The following SH3GL2 variants were observed in gnomAD, a reference collection of about 807,000 sequenced individuals.
SH3GL2 encodes the protein endophilin-A1.
SH3GL2 carries 24 observed loss-of-function variants against 46.0 expected under a neutral mutation model. The ratio of observed to expected loss-of-function variants is 0.52; its 90% CI spans 0.38 to 0.73. The LOEUF (loss-of-function observed/expected upper bound fraction) is 0.73. Ranked by LOEUF, SH3GL2 falls within the 30% of genes least tolerant of loss-of-function variation. SH3GL2 has a pLI of 0.00. For missense variants in SH3GL2, 413 were observed against 424.2 expected, an observed-to-expected ratio of 0.97 and a Z score of 0.23; for synonymous variants, 196 against 147.1, an observed-to-expected ratio of 1.33 and a Z score of -2.40.
intron 1 of SH3GL2, among the ~76,000 whole-genome samples, chr9:17,588,275 A>G (rs1483113832): frequency 6.6e-6 from 1 of 152,166 alleles, no homozygotes; most frequent in Non-Finnish European, 1.5e-5. Context: ...GGTAGACAGA[A>G]TGCTACGATT....
intron 6 of SH3GL2, chr9:17,789,776 A>G: frequency 2.0e-6 from 2 of 984,008 alleles, no homozygotes; most frequent in Non-Finnish European, 2.4e-6. Context: ...CTGCTAATGA[A>G]TCTTAAAGTA....
intron 1 of SH3GL2, among the ~76,000 whole-genome samples, chr9:17,680,328 G>A (rs930531973): frequency 2.0e-5 from 3 of 152,008 alleles, no homozygotes; most frequent in Non-Finnish European, 2.9e-5. Flanking sequence ...GTCTGTTCAG[G>A]GATTCAACTT....
chr9:17,671,644 A>G (rs1820478162), intron 1 of SH3GL2, among the ~76,000 whole-genome samples: 1 of 152,224 alleles, frequency 6.6e-6, no homozygotes, highest in African/African-American at 2.4e-5. Flanking sequence ...AAAAAAAATT[A>G]TAAAAGCAAA....
intron 1 of SH3GL2, among the ~76,000 whole-genome samples, chr9:17,635,985 C>T (rs1456733827): frequency 6.6e-6 from 1 of 152,166 alleles, no homozygotes; most frequent in South Asian, 2.1e-4. Flanking sequence ...GGGCCCAAGA[C>T]CTGCCAAGGT....
At chr9:17,786,027 T>TA (rs1409665645) in intron 3 of SH3GL2, among the ~76,000 whole-genome samples, 7 of 152,140 alleles carry the variant, frequency 4.6e-5, no homozygotes, top group African/African-American at 1.7e-4. Context: ...CGAGAGTTTG[T>TA]AAAAAGCTCT....
chr9:17,734,338 C>G (rs1199476037), intron 1 of SH3GL2, among the ~76,000 whole-genome samples: 1 of 152,104 alleles, frequency 6.6e-6, no homozygotes, highest in South Asian at 2.1e-4. Context: ...TCTTAGGTAA[C>G]AGGACAAATA....
chr9:17,786,916 G>A (rs1823975514), intron 4 of SH3GL2, among the ~76,000 whole-genome samples: 1 of 152,010 alleles, frequency 6.6e-6, no homozygotes, highest in Admixed American at 6.5e-5. Flanking sequence ...ACTTGTATAT[G>A]GTACCTAGTT....
At chr9:17,614,295 GAAAAAAAAAAAAAA>G (rs3084628) in intron 1 of SH3GL2, among the ~76,000 whole-genome samples, 20 of 70,302 alleles carry the variant, frequency 2.8e-4, no homozygotes, top group Admixed American at 2.1e-3. Context: ...CATGGTTTCT[GAAAAAAAAAAAAAA>G]AAAAAAAAAA....
intron 1 of SH3GL2, among the ~76,000 whole-genome samples, chr9:17,645,049 A>T (rs1041695166): frequency 2.7e-5 from 4 of 149,750 alleles, no homozygotes; most frequent in Non-Finnish European, 5.9e-5. Flanking sequence ...AGCTCTTCTC[A>T]TTGCATTGAT....
chr9:17,729,505 T>G (rs920965690), intron 1 of SH3GL2, among the ~76,000 whole-genome samples: 3 of 152,214 alleles, frequency 2.0e-5, no homozygotes, highest in Admixed American at 6.5e-5. Context: ...TTGCCATTGC[T>G]TTTGGTGTTT....
intron 1 of SH3GL2, among the ~76,000 whole-genome samples, chr9:17,746,322 C>T (rs1351347915): frequency 3.9e-5 from 6 of 152,130 alleles, no homozygotes; most frequent in South Asian, 2.1e-4. Flanking sequence ...GTGATCCACC[C>T]GCCTCGGCCT....
intron 1 of SH3GL2, among the ~76,000 whole-genome samples, chr9:17,625,568 C>T (rs1409555593): frequency 6.6e-6 from 1 of 152,214 alleles, no homozygotes; most frequent in Non-Finnish European, 1.5e-5. Context: ...GGAAACAAGG[C>T]AAAGAGAGTA....
intron 1 of SH3GL2, among the ~76,000 whole-genome samples, chr9:17,677,845 G>T (rs1820652963): frequency 6.7e-6 from 1 of 149,402 alleles, no homozygotes; most frequent in African/African-American, 2.5e-5. Flanking sequence ...TGTTCTCATT[G>T]TTCAATTCCC....
intron 1 of SH3GL2, among the ~76,000 whole-genome samples, chr9:17,651,057 A>G (rs951705582): frequency 1.3e-5 from 2 of 151,826 alleles, no homozygotes; most frequent in South Asian, 2.1e-4. Flanking sequence ...TAGAACACCT[A>G]TTTTGTTTCT....
At chr9:17,683,107 T>C (rs1820815728) in intron 1 of SH3GL2, among the ~76,000 whole-genome samples, 1 of 152,072 alleles carries the variant, frequency 6.6e-6, no homozygotes, top group African/African-American at 2.4e-5. Context: ...GACATTTGCT[T>C]AACTGGAGTA....
At chr9:17,708,229 G>C (rs1335089924) in intron 1 of SH3GL2, among the ~76,000 whole-genome samples, 2 of 151,866 alleles carry the variant, frequency 1.3e-5, no homozygotes, top group Non-Finnish European at 2.9e-5. Context: ...CCTCATCACT[G>C]TCCCCACTCC....
At chr9:17,642,585 C>T (rs929690281) in intron 1 of SH3GL2, among the ~76,000 whole-genome samples, 9 of 152,156 alleles carry the variant, frequency 5.9e-5, no homozygotes, top group African/African-American at 1.7e-4. Context: ...AGCCAGTTTT[C>T]CCAACACCAT....
At chr9:17,743,600 A>ACACACACC (rs1554645782) in intron 1 of SH3GL2, among the ~76,000 whole-genome samples, 33 of 146,280 alleles carry the variant, frequency 2.3e-4, no homozygotes, top group African/African-American at 8.0e-4. Flanking sequence ...ACACACACAC[A>ACACACACC]CCCCAAATAG....
rs140609269 is a variant in SH3GL2 at position 17,754,381 on chromosome 9, A to G, written c.115-7056A>G. Among the ~76,000 whole-genome samples, 755 of 152,138 alleles carry G rather than the reference A, an allele frequency of 5.0e-3. 7 individuals carry two copies. Among genetic ancestry groups the G allele is most frequent in the African/African-American group, 0.017 (705 of 41,502 alleles). ...CAGCAGTGTTTGTAGTTCTTCTTGT[A>G]AAGAACTTTTGGCCGGGTGCAGTGA... On this transcript the variant is annotated intron_variant, in intron 2 of 8. Transcript: ENST00000380607.
Sources: allele counts gnomAD v4.1 joint callset (sites outside exome capture counted in the v4.1 genomes callset), GRCh38; gene constraint gnomAD v4.1.1; transcripts MANE v1.5; gene names NCBI Gene and HGNC (gene_info 2026-07-23, HGNC 2026-07-21).